KIFC3: variants seen among roughly 807,000 people sequenced by gnomAD.
KIFC3 encodes kinesin family member C3.
A neutral mutation model predicts 101.8 loss-of-function variants in KIFC3; 60 were observed. The observed-to-expected ratio is 0.59, with a 90% CI of 0.48 to 0.73. KIFC3 has a LOEUF of 0.73. Among genes scored for constraint, KIFC3 ranks in the 30% least tolerant of loss-of-function variants. KIFC3 has a pLI of 0.00. For synonymous variants in KIFC3, 476 were observed against 482.7 expected, an observed-to-expected ratio of 0.99 and a Z score of 0.18; for missense variants, 966 against 1,137.1, an observed-to-expected ratio of 0.85 and a Z score of 2.16.
At chr16:57,857,822 C>CTTTTTTTTT (rs57102595) in intron 1 of KIFC3, among the ~76,000 whole-genome samples, 2 of 92,786 alleles carry the variant, frequency 2.2e-5, no homozygotes, top group Non-Finnish European at 3.7e-5. Flanking sequence ...TTCTTTCTTT[C>CTTTTTTTTT]TTTTTTTTTT....
chr16:57,758,787 A>G lies in KIFC3; in HGVS notation c.*147T>C, dbSNP rs1484656506. ...CTTTGAGGGGAGACGGGGCAGAAGA[A>G]GAGCCTCCACTCTCGCCTCTACCTC... On this transcript the variant is annotated 3_prime_UTR_variant, in exon 20 of 20. Transcript: ENST00000445690. 16 of 1,258,214 alleles carry G rather than the reference A, an allele frequency of 1.3e-5. No individual in the cohort carries two copies. Among genetic ancestry groups the G allele is most frequent in the Non-Finnish European group, 1.9e-5 (16 of 863,554 alleles). The allele number at this position is 1,258,214 out of a possible 1,614,324, so 77.9% of individuals were successfully genotyped here.
At chr16:57,828,301 C>T (rs1431481172) in intron 1 of KIFC3, among the ~76,000 whole-genome samples, 2 of 152,216 alleles carry the variant, frequency 1.3e-5, no homozygotes, top group African/African-American at 2.4e-5. Context: ...AGGATGCCAA[C>T]GTGAGGCCAC....
intron 3 of KIFC3, chr16:57,791,107 G>A (rs1219964536): frequency 6.3e-6 from 1 of 158,662 alleles, no homozygotes; most frequent in Non-Finnish European, 1.4e-5. Context: ...CGTGGTGCCT[G>A]TAATTGCAGA....
chr16:57,769,674 T>C lies in KIFC3; in HGVS notation c.1139A>G (p.Asn380Ser). The change falls in exon 9 of 20, where the codon AAC becomes AGC. Residue 380 changes from asparagine to serine, a missense_variant. Physicochemically the swap from Asn to Ser is conservative, Grantham distance 46. Coordinates refer to ENST00000445690, the MANE Select transcript of KIFC3 (RefSeq NM_001130100.2). The surrounding 1 kb of genome is among the most constrained non-coding windows in gnomAD (Gnocchi z 4.3). The stretch of plus-strand genomic sequence containing the variant: ...CTGCCGCTTGAGCCCATTGTAGTCG[T>C]TGGTGAGGGTCCGCAGTGCCGGCTG... ...TLQPALRTLT[N>S]DYNGLKRQVR... is the part of the protein sequence containing the mutation. 6.2e-7 allele frequency: 1 copy of C among 1,612,146 alleles called. No individual in the cohort carries two copies. The highest frequency in any genetic ancestry group is 1.3e-5 in the African/African-American group (1 of 74,956).
intron 3 of KIFC3, chr16:57,774,582 C>T (rs1291596257): frequency 8.0e-5 from 16 of 199,660 alleles, no homozygotes; most frequent in African/African-American, 1.8e-4. Flanking sequence ...GAGTGCAGTG[C>T]CTCGATCTAG....
At chr16:57,765,745 G>C in intron 10 of KIFC3, 105 bp from the exon 11 acceptor site, 2 of 1,107,944 alleles carry the variant, frequency 1.8e-6, no homozygotes, top group Non-Finnish European at 2.6e-6. Context: ...GGAGTCCCCT[G>C]ACTTTTAAGC....
rs1555593168 is a variant in KIFC3, at chr16:57,759,309, G to GC, written c.2477-157_2477-156insG. The GC allele has an allele frequency of 7.9e-6, 7 of 880,592 alleles. No individual in the cohort carries two copies. In the East Asian group the frequency reaches 1.9e-4, roughly 23 times the overall value. 54.5% of individuals were successfully genotyped at this position (880,592 alleles called of 1,614,324 possible). On this transcript the variant is annotated intron_variant, in intron 18 of 19. Coordinates refer to ENST00000445690, the MANE Select transcript of KIFC3 (RefSeq NM_001130100.2). ...CTGGAGCCCTGGGTCCCGGTCCTGT[G>GC]GCGGGGCTCACTCCTCACCTAGGAG...
intron 3 of KIFC3, among the ~76,000 whole-genome samples, chr16:57,783,459 C>A (rs1203764363): frequency 2.3e-5 from 3 of 132,710 alleles, no homozygotes; most frequent in Non-Finnish European, 4.7e-5. Flanking sequence ...CTCCACAAAG[C>A]CCATTTTCTT....
chr16:57,797,858 A>G, intron 2 of KIFC3: 1 of 1,450,038 alleles, frequency 6.9e-7, no homozygotes, highest in East Asian at 2.6e-5. Context: ...CCCGGCTTCC[A>G]GGTCTCCTCT....
intron 4 of KIFC3, 85 bp downstream of exon 4, chr16:57,772,138 G>C: frequency 2.6e-6 from 3 of 1,166,392 alleles, no homozygotes; most frequent in East Asian, 2.4e-5. Context: ...AGGAGAGAGA[G>C]GGTCGCACCC....
intron 18 of KIFC3, 26 bp downstream of exon 18, chr16:57,759,702 C>A (rs782168022): frequency 6.4e-7 from 1 of 1,567,008 alleles, no homozygotes; most frequent in Non-Finnish European, 8.7e-7. Flanking sequence ...GGAGACTCCC[C>A]ACCCACACTG....
intron 19 of KIFC3, 68 bp from the exon 20 acceptor site, chr16:57,758,977 G>A (rs987070922): frequency 1.6e-5 from 25 of 1,538,236 alleles, no homozygotes; most frequent in South Asian, 1.6e-4. Context: ...AGTTGCCACC[G>A]AGAGCAGGAG....
intron 3 of KIFC3, among the ~76,000 whole-genome samples, chr16:57,773,213 G>C (rs372871928): frequency 3.3e-5 from 5 of 152,230 alleles, no homozygotes; most frequent in African/African-American, 1.2e-4. Context: ...GGTGCGCTAA[G>C]AGCCAGATTC....
chr16:57,778,128 A>G (rs1041627592), intron 3 of KIFC3, among the ~76,000 whole-genome samples: 4 of 152,162 alleles, frequency 2.6e-5, no homozygotes, highest in African/African-American at 9.7e-5. Flanking sequence ...CAAGTAACCA[A>G]AATTAGCTGG....
intron 1 of KIFC3, among the ~76,000 whole-genome samples, chr16:57,847,408 A>G (rs693783): frequency 0.57 from 86,283 of 151,856 alleles, 26,178 homozygotes; most frequent in East Asian, 0.71. Flanking sequence ...TGGGCAACAC[A>G]GTAAAAATCC....
At chr16:57,775,631 G>A (rs1555611369) in intron 3 of KIFC3, 13 of 985,454 alleles carry the variant, frequency 1.3e-5, no homozygotes, top group Non-Finnish European at 1.6e-5. Context: ...CACACTCACC[G>A]CAGCTTCCAG....
At chr16:57,783,472 CTT>C (rs146386887) in intron 3 of KIFC3, among the ~76,000 whole-genome samples, 2 of 82,616 alleles carry the variant, frequency 2.4e-5, no homozygotes, top group Admixed American at 1.2e-4. Flanking sequence ...ATTTTCTTTT[CTT>C]TTTTTTTTTT....
At chr16:57,800,270 T>G (rs1282394150) in intron 1 of KIFC3, among the ~76,000 whole-genome samples, 7 of 152,198 alleles carry the variant, frequency 4.6e-5, no homozygotes, top group East Asian at 1.9e-4. Context: ...ACTAGGAGGC[T>G]CCTAGGTTCA....
intron 1 of KIFC3, among the ~76,000 whole-genome samples, chr16:57,851,976 A>G (rs558521020): frequency 6.6e-6 from 1 of 152,100 alleles, no homozygotes; most frequent in Non-Finnish European, 1.5e-5. Context: ...CCTGACCACA[A>G]GTGATCCTCT....
Sources: gnomAD v4.1 joint callset for allele counts (sites outside exome capture counted in the v4.1 genomes callset) on GRCh38, gnomAD v4.1.1 for gene constraint, Gnocchi (gnomAD v3.1) non-coding constraint, MANE v1.5 for transcripts, NCBI Gene and HGNC (gene_info 2026-07-23, HGNC 2026-07-21) for gene names.